Variants in B3GLCT observed in about 807,000 individuals in gnomAD.
B3GLCT encodes the protein beta-1,3-glucosyltransferase.
Under a neutral mutation model 63.4 loss-of-function variants are expected in B3GLCT, and 65 were observed. That is an observed-to-expected ratio of 1.03 (90% CI 0.84 to 1.26). The LOEUF (loss-of-function observed/expected upper bound fraction) is 1.26. Among genes scored for constraint, B3GLCT ranks in the 50% most tolerant of loss-of-function variants. The probability of loss-of-function intolerance (pLI) is 0.00; values close to 1 mark genes in which losing one functional copy is unlikely to be tolerated. For synonymous variants in B3GLCT, 233 were observed against 219.2 expected (o/e 1.06, Z -0.55); for missense variants, 577 against 604.8 (o/e 0.95, Z 0.48).
At chr13:31,314,062 T>G (rs1159077376) in intron 12 of B3GLCT, among the ~76,000 whole-genome samples, 1 of 152,172 alleles carries the variant, frequency 6.6e-6, no homozygotes, top group Admixed American at 6.5e-5. Flanking sequence ...AGTTAAGAAT[T>G]AAGGTTTGAG....
At chr13:31,216,208 AATG>A (rs1408137522) in intron 2 of B3GLCT, among the ~76,000 whole-genome samples, 1 of 152,210 alleles carries the variant, frequency 6.6e-6, no homozygotes, top group African/African-American at 2.4e-5. Flanking sequence ...ACACAGGGGA[AATG>A]ATAATACTAA....
chr13:31,242,255 A>G (rs1436812657), intron 4 of B3GLCT, among the ~76,000 whole-genome samples: 1 of 152,112 alleles, frequency 6.6e-6, no homozygotes, highest in Non-Finnish European at 1.5e-5. Flanking sequence ...TGTGCTATTC[A>G]GTCTGTCTCT....
intron 12 of B3GLCT, among the ~76,000 whole-genome samples, chr13:31,294,003 T>C (rs758628214): frequency 6.6e-6 from 1 of 150,970 alleles, no homozygotes; most frequent in Non-Finnish European, 1.5e-5. Context: ...GAAGGCCTTG[T>C]GGTGGCAAAA....
intron 10 of B3GLCT, among the ~76,000 whole-genome samples, chr13:31,282,800 A>G (rs1295907973): frequency 6.6e-6 from 1 of 152,202 alleles, no homozygotes; most frequent in African/African-American, 2.4e-5. Flanking sequence ...TCAAAGGCTG[A>G]ATTGCCTTTA....
chr13:31,291,504 C>A (rs1268226714), intron 12 of B3GLCT, among the ~76,000 whole-genome samples: 1 of 152,118 alleles, frequency 6.6e-6, no homozygotes, highest in African/African-American at 2.4e-5. Context: ...ATTTCCTGAG[C>A]AGTGGTTTGT....
rs1256000159 is a variant in B3GLCT at position 31,259,247 on chromosome 13, CT to C, written c.460-1695del. Among the ~76,000 whole-genome samples, 3 of 152,270 alleles carry C rather than the reference CT, an allele frequency of 2.0e-5. No individual in the cohort carries two copies. The East Asian group carries it at 5.8e-4, about 29-fold the overall frequency. On this transcript the variant is annotated intron_variant, in intron 6 of 14. Coordinates refer to ENST00000343307, the MANE Select transcript of B3GLCT (RefSeq NM_194318.4). ...TCTGTGCATCTCCTTCTATTTTTCA[CT>C]TTTCTTGTTTCTGGTTTGGTCTTGT...
At chr13:31,201,891 T>C (rs183799190) in intron 1 of B3GLCT, among the ~76,000 whole-genome samples, 9 of 152,298 alleles carry the variant, frequency 5.9e-5, no homozygotes, top group Non-Finnish European at 1.0e-4. Context: ...AAATAAGACA[T>C]AAAATGCATT....
At chr13:31,208,467 C>G (rs1246513279) in intron 1 of B3GLCT, among the ~76,000 whole-genome samples, 1 of 152,150 alleles carries the variant, frequency 6.6e-6, no homozygotes, top group Non-Finnish European at 1.5e-5. Context: ...TGCCTGTCTG[C>G]ACTTGCGTAT....
At chr13:31,231,721 G>C (rs1288847365) in intron 4 of B3GLCT, among the ~76,000 whole-genome samples, 2 of 152,176 alleles carry the variant, frequency 1.3e-5, no homozygotes, top group African/African-American at 4.8e-5. Flanking sequence ...TAAGGCATGT[G>C]GGTACGTTTT....
At chr13:31,324,922 G>A (rs184675703) in intron 14 of B3GLCT, among the ~76,000 whole-genome samples, 1 of 151,992 alleles carries the variant, frequency 6.6e-6, no homozygotes, top group Non-Finnish European at 1.5e-5. Context: ...GCCCAGACTG[G>A]TTTCAAACTG....
chr13:31,206,107 C>A (rs1480307292), intron 1 of B3GLCT, among the ~76,000 whole-genome samples: 1 of 152,128 alleles, frequency 6.6e-6, no homozygotes, highest in Non-Finnish European at 1.5e-5. Context: ...GCTTGTTTTT[C>A]GTTTACGAGC....
chr13:31,322,782 GA>G (rs1293895196), intron 13 of B3GLCT, among the ~76,000 whole-genome samples: 4 of 151,838 alleles, frequency 2.6e-5, no homozygotes, highest in African/African-American at 9.7e-5. Context: ...GCTGACAAAA[GA>G]AAAAAAGCAT....
At chr13:31,295,375 G>A (rs531788925) in intron 12 of B3GLCT, among the ~76,000 whole-genome samples, 177 of 152,268 alleles carry the variant, frequency 1.2e-3, no homozygotes, top group Non-Finnish European at 2.0e-3. Context: ...CTTCAGAGCC[G>A]GCAGGCATGA....
At chr13:31,211,847 T>C (rs1236091008) in intron 1 of B3GLCT, among the ~76,000 whole-genome samples, 1 of 152,224 alleles carries the variant, frequency 6.6e-6, no homozygotes, top group African/African-American at 2.4e-5. Flanking sequence ...TCAGAACCAG[T>C]ACCAAATAAA....
At chr13:31,220,260 A>G (rs1029625506) in intron 2 of B3GLCT, among the ~76,000 whole-genome samples, 2 of 152,222 alleles carry the variant, frequency 1.3e-5, no homozygotes, top group Admixed American at 6.5e-5. Flanking sequence ...TGAACTAAGC[A>G]TTACATGTAT....
chr13:31,290,801 T>C (rs1036839665), intron 12 of B3GLCT, among the ~76,000 whole-genome samples: 4 of 152,320 alleles, frequency 2.6e-5, no homozygotes, highest in African/African-American at 9.6e-5. Flanking sequence ...TTTCTCCCAT[T>C]CTGTAGGTTG....
chr13:31,208,079 ACTTTGT>A, intron 1 of B3GLCT, among the ~76,000 whole-genome samples: 1 of 151,466 alleles, frequency 6.6e-6, no homozygotes, highest in East Asian at 1.9e-4. Flanking sequence ...GTTTGAGTAT[ACTTTGT>A]CTTTGTACTT....
intron 1 of B3GLCT, among the ~76,000 whole-genome samples, chr13:31,214,657 G>A (rs1458538952): frequency 1.3e-5 from 2 of 152,226 alleles, no homozygotes; most frequent in East Asian, 3.8e-4. Context: ...TTTTGAGGGT[G>A]AGAATCTGTA....
intron 6 of B3GLCT, among the ~76,000 whole-genome samples, chr13:31,260,074 C>CT (rs1013370077): frequency 6.6e-6 from 1 of 152,188 alleles, no homozygotes; most frequent in Non-Finnish European, 1.5e-5. Context: ...CCTGGTCAGC[C>CT]TTTTGCCTGT....
Sources: gnomAD v4.1 joint callset for allele counts (sites outside exome capture counted in the v4.1 genomes callset) on GRCh38, gnomAD v4.1.1 for gene constraint, MANE v1.5 for transcripts, NCBI Gene and HGNC (gene_info 2026-07-23, HGNC 2026-07-21) for gene names.